RMND5A: variants seen among roughly 807,000 people sequenced by gnomAD.
RMND5A encodes the protein required for meiotic nuclear division 5 homolog A.
A neutral mutation model predicts 49.7 loss-of-function variants in RMND5A; 17 were observed. The observed-to-expected ratio is 0.34, with a 90% CI of 0.23 to 0.51. RMND5A has a LOEUF of 0.51. RMND5A is among the 20% of genes least tolerant of loss of function. The pLI, the probability that RMND5A is intolerant of heterozygous loss-of-function variation, is 0.96. For missense variants in RMND5A, 255 were observed against 471.3 expected, an observed-to-expected ratio of 0.54 and a Z score of 4.25; for synonymous variants, 156 against 167.7, an observed-to-expected ratio of 0.93 and a Z score of 0.54.
rs1252771448 is a variant in RMND5A, at chr2:86,720,526, T to TAGTGCGCCCGCCGCC, written c.-141_-127dup. The TAGTGCGCCCGCCGCC allele has an allele frequency of 2.0e-5, 9 of 457,246 alleles. No individual in the cohort carries two copies. The allele number at this position is 457,246 out of a possible 1,614,324, so 28.3% of individuals were successfully genotyped here. ...CGCGGGGCTCCCCCGGCGCCGCGGC[T>TAGTGCGCCCGCCGCC]AGTGCGCCCGCCGCCTCGGCCGCCT... is the stretch of plus-strand genomic sequence containing the variant. On this transcript the variant is annotated 5_prime_UTR_variant, in exon 1 of 9. Transcript: ENST00000283632.
At chr2:86,754,959 T>G (rs1434261451) in intron 4 of RMND5A, among the ~76,000 whole-genome samples, 3 of 152,196 alleles carry the variant, frequency 2.0e-5, no homozygotes, top group African/African-American at 4.8e-5. Flanking sequence ...TTGTATAAAT[T>G]ATAATAGATC....
At chr2:86,733,028 A>G (rs899675906) in intron 1 of RMND5A, among the ~76,000 whole-genome samples, 1 of 68,804 alleles carries the variant, frequency 1.5e-5, no homozygotes, top group Non-Finnish European at 2.7e-5. Context: ...ACAGACAGGA[A>G]CAGTATTATT....
intron 2 of RMND5A, among the ~76,000 whole-genome samples, chr2:86,747,418 A>T (rs1186542400): frequency 1.3e-5 from 2 of 152,182 alleles, no homozygotes; most frequent in Non-Finnish European, 2.9e-5. Flanking sequence ...TGTGGTTTGT[A>T]TGCGAAGTAG....
chr2:86,773,680 T>C lies in RMND5A; in HGVS notation c.*269T>C. On this transcript the variant is annotated 3_prime_UTR_variant, in exon 9 of 9. Transcript: ENST00000283632. ...TTCAATGCAGGTTTTTGTACTTAAT[T>C]ATATGGTGATTTTTTTACTTTTTAA... The C allele has an allele frequency of 3.6e-6, 1 of 274,700 alleles. No homozygotes were observed. The allele number at this position is 274,700 out of a possible 1,614,324, so 17.0% of individuals were successfully genotyped here. A position where few individuals can be genotyped will look rare whatever the true frequency, so the allele number is the denominator to read the frequency against.
chr2:86,752,790 A>C (rs779868733), intron 3 of RMND5A, among the ~76,000 whole-genome samples: 1 of 152,214 alleles, frequency 6.6e-6, no homozygotes, highest in Non-Finnish European at 1.5e-5. Context: ...TGAAGGACCG[A>C]AAGAATTAGT....
intron 2 of RMND5A, among the ~76,000 whole-genome samples, chr2:86,748,850 C>T (rs930720597): frequency 6.6e-6 from 1 of 152,108 alleles, no homozygotes; most frequent in Admixed American, 6.5e-5. Flanking sequence ...GGAATAGGTA[C>T]TAATAAATTT....
chr2:86,776,458 C>T lies in RMND5A; in HGVS notation c.*3047C>T, dbSNP rs976730084. ...AGCTAATGCATAGAGACACTAAAAC[C>T]CACACCACATTTTGTGGGAAATGAG... On this transcript the variant is annotated 3_prime_UTR_variant, in exon 9 of 9. Transcript: ENST00000283632. 6.6e-6 allele frequency: 1 copy of T among 152,084 alleles called. No individual in the cohort carries two copies. The allele number at this position is 152,084 out of a possible 1,614,324, so 9.4% of individuals were successfully genotyped here.
chr2:86,772,117 A>G (rs956392244), intron 8 of RMND5A, among the ~76,000 whole-genome samples: 1 of 152,208 alleles, frequency 6.6e-6, no homozygotes, highest in South Asian at 2.1e-4. Context: ...ATGATTGGGT[A>G]GCCAGTTCCC....
chr2:86,762,665 T>TAC (rs1491285987), intron 4 of RMND5A, among the ~76,000 whole-genome samples: 1 of 138,720 alleles, frequency 7.2e-6, no homozygotes, highest in Non-Finnish European at 1.5e-5. Flanking sequence ...AATATTTTTT[T>TAC]ATATATATAT....
intron 1 of RMND5A, among the ~76,000 whole-genome samples, chr2:86,729,160 A>G (rs1681319020): frequency 6.6e-6 from 1 of 152,274 alleles, no homozygotes; most frequent in South Asian, 2.1e-4. Context: ...ATTGTAAAGA[A>G]TGCTTAAAAG....
At chr2:86,762,716 A>ATATCATATATATG (rs1357119563) in intron 4 of RMND5A, among the ~76,000 whole-genome samples, 7 of 133,694 alleles carry the variant, frequency 5.2e-5, no homozygotes, top group Admixed American at 4.6e-4. Flanking sequence ...TATCATATAT[A>ATATCATATATATG]TCATATATAT....
intron 2 of RMND5A, among the ~76,000 whole-genome samples, chr2:86,743,157 G>A (rs1291331291): frequency 6.6e-6 from 1 of 152,122 alleles, no homozygotes; most frequent in Non-Finnish European, 1.5e-5. Context: ...ATTCATAAGG[G>A]TTGTCAGATA....
intron 4 of RMND5A, among the ~76,000 whole-genome samples, chr2:86,757,901 C>G (rs2104401793): frequency 6.6e-6 from 1 of 152,276 alleles, no homozygotes; most frequent in East Asian, 1.9e-4. Context: ...GTAGGCAGGT[C>G]CATGTGGAAG....
intron 4 of RMND5A, among the ~76,000 whole-genome samples, chr2:86,762,714 A>ATATATCATATATG (rs1477810465): frequency 1.5e-5 from 2 of 133,878 alleles, no homozygotes; most frequent in African/African-American, 5.9e-5. Context: ...TATATCATAT[A>ATATATCATATATG]TATCATATAT....
At chr2:86,732,590 TTTTTAGC>T (rs1681350456) in intron 1 of RMND5A, among the ~76,000 whole-genome samples, 3 of 149,382 alleles carry the variant, frequency 2.0e-5, no homozygotes, top group African/African-American at 7.7e-5. Context: ...GATTTTATAG[TTTTTAGC>T]TTTGTGCAAA....
chr2:86,769,197 T>G (rs1672647424), intron 6 of RMND5A, among the ~76,000 whole-genome samples: 1 of 152,314 alleles, frequency 6.6e-6, no homozygotes, highest in East Asian at 1.9e-4. Flanking sequence ...CCTCCCACCT[T>G]GGCCTCCCAA....
chr2:86,721,924 G>C (rs1681233777), intron 1 of RMND5A, among the ~76,000 whole-genome samples: 1 of 128,510 alleles, frequency 7.8e-6, no homozygotes, highest in African/African-American at 3.4e-5. Flanking sequence ...AGTTGAGGAT[G>C]GGTGCTGGTC....
rs1482682994 is a variant in RMND5A, at chr2:86,777,071, A to C, written c.*3660A>C. 6.6e-6 allele frequency: 1 copy of C among 152,218 alleles called. No individual in the cohort carries two copies. Among genetic ancestry groups the C allele is most frequent in the Non-Finnish European group, 1.5e-5 (1 of 68,040 alleles). 9.4% of individuals were successfully genotyped at this position (152,218 alleles called of 1,614,324 possible). On this transcript the variant is annotated 3_prime_UTR_variant, in exon 9 of 9. Coordinates refer to ENST00000283632, the MANE Select transcript of RMND5A (RefSeq NM_022780.4). ...AATGTATTTTAATAGCAGATGAGGC[A>C]GTTTTAGGATGAATTTTCCACTGTT...
chr2:86,742,091 G>T (rs1292386306), intron 2 of RMND5A, among the ~76,000 whole-genome samples: 10 of 131,970 alleles, frequency 7.6e-5, no homozygotes, highest in African/African-American at 2.8e-4. Flanking sequence ...GGTAGGTGTG[G>T]TATGACAAGA....
Sources: allele counts gnomAD v4.1 joint callset (sites outside exome capture counted in the v4.1 genomes callset), GRCh38; gene constraint gnomAD v4.1.1; transcripts MANE v1.5; gene names NCBI Gene and HGNC (gene_info 2026-07-23, HGNC 2026-07-21).